The following BCL7A variants were observed in gnomAD, a reference collection of about 807,000 sequenced individuals.
The protein encoded by BCL7A is B-cell CLL/lymphoma 7 protein family member A.
BCL7A carries 11 observed loss-of-function variants against 28.4 expected under a neutral mutation model. The observed-to-expected ratio is 0.39, with a 90% CI of 0.24 to 0.64. The LOEUF is 0.64. Ranked by LOEUF, BCL7A falls within the 30% of genes least tolerant of loss-of-function variation. The pLI is 0.50. For missense variants in BCL7A, 222 were observed against 274.8 expected (o/e 0.81, Z 1.36); for synonymous variants, 123 against 103.3 (o/e 1.19, Z -1.15).
chr12:122,025,543 C>T (rs1453548607), intron 1 of BCL7A, among the ~76,000 whole-genome samples: 1 of 151,502 alleles, frequency 6.6e-6, no homozygotes, highest in East Asian at 1.9e-4. Flanking sequence ...AGGAGAATGG[C>T]GGGAACCCAG....
At chr12:122,047,153 C>T (rs1055075410) in intron 4 of BCL7A, among the ~76,000 whole-genome samples, 6 of 151,900 alleles carry the variant, frequency 3.9e-5, no homozygotes, top group Admixed American at 2.0e-4. Context: ...CCACCCACCT[C>T]GGCCTCCTAA....
chr12:122,053,360 T>C (rs1383930016), intron 4 of BCL7A, among the ~76,000 whole-genome samples: 2 of 152,234 alleles, frequency 1.3e-5, no homozygotes, highest in African/African-American at 4.8e-5. Context: ...AGGGTCTTGC[T>C]GTCCCGTTCC....
At chr12:122,027,195 C>A (rs1250512869) in intron 1 of BCL7A, among the ~76,000 whole-genome samples, 1 of 152,230 alleles carries the variant, frequency 6.6e-6, no homozygotes, top group East Asian at 1.9e-4. Flanking sequence ...GGCAAGCTGT[C>A]GCTCCCTGGG....
chr12:122,051,098 G>A (rs1036582699), intron 4 of BCL7A, among the ~76,000 whole-genome samples: 1 of 152,180 alleles, frequency 6.6e-6, no homozygotes, highest in Non-Finnish European at 1.5e-5. Flanking sequence ...TTTGAGCTCC[G>A]CAGCAGGAAT....
intron 3 of BCL7A, among the ~76,000 whole-genome samples, chr12:122,040,318 G>A (rs191032844): frequency 2.0e-5 from 3 of 152,126 alleles, no homozygotes; most frequent in Non-Finnish European, 4.4e-5. Context: ...ATCGTTTAAG[G>A]TCAGGAGTTG....
intron 2 of BCL7A, among the ~76,000 whole-genome samples, chr12:122,035,037 C>T (rs1176899628): frequency 5.9e-5 from 9 of 152,250 alleles, no homozygotes; most frequent in Non-Finnish European, 1.3e-4. Flanking sequence ...GGTGTTTCCA[C>T]ACTGCTGCTG....
In BCL7A at chr12:122,021,920, GTGTGTGTGTA is replaced by G. The variant is rs1338223459; in HGVS notation, c.-162_-153del. On this transcript the variant is annotated 5_prime_UTR_variant, in exon 1 of 6. It removes an upstream start codon present in the reference 5' UTR. Transcript: ENST00000261822. ...GGCGCGCGGCGGCCCCGGGCTTTGTGTGTGTGTGTATGTGTGTGTGTGTGTGTGTGTGTGT... is the reference window on the plus strand; with the variant it reads ...GGCGCGCGGCGGCCCCGGGCTTTGTGTGTGTGTGTGTGTGTGTGTGTGTGT... The G allele has an allele frequency of 2.8e-4, 116 of 407,452 alleles. No individual in the cohort carries two copies. The highest frequency in any genetic ancestry group is 5.9e-4 in the East Asian group (14 of 23,930). 25.2% of individuals were successfully genotyped at this position (407,452 alleles called of 1,614,324 possible).
chr12:122,035,348 A>G lies in BCL7A; in HGVS notation c.192A>G (p.Lys64=). The part of the protein sequence containing the change: ...PKVDDKNKNK[K]KGKDEKCGSE... The stretch of plus-strand genomic sequence containing the variant: ...CCCTGCAGAAAAACAAGAATAAGAA[A>G]AAAGGCAAGGACGAGAAGTGTGGCT... Residue 64 remains lysine (K), a synonymous_variant, in exon 3 of 6, where the codon AAA becomes AAG. Coordinates refer to ENST00000261822, the MANE Select transcript of BCL7A (RefSeq NM_001024808.3). 1 of 1,614,126 alleles carries G rather than the reference A, an allele frequency of 6.2e-7. No homozygotes were observed. The highest frequency in any genetic ancestry group is 1.7e-5 in the Admixed American group (1 of 60,028).
intron 4 of BCL7A, among the ~76,000 whole-genome samples, chr12:122,049,893 T>G (rs1418445474): frequency 6.6e-6 from 1 of 151,692 alleles, no homozygotes; most frequent in Non-Finnish European, 1.5e-5. Flanking sequence ...GCCTGGCTTT[T>G]CCCCCCGAGA....
chr12:122,023,756 AAC>A (rs1565933217), intron 1 of BCL7A, among the ~76,000 whole-genome samples: 3 of 152,166 alleles, frequency 2.0e-5, no homozygotes, highest in African/African-American at 4.8e-5. Context: ...GCTGCAGGCC[AAC>A]ACACACACGC....
intron 4 of BCL7A, among the ~76,000 whole-genome samples, chr12:122,053,051 C>T (rs975079931): frequency 1.3e-4 from 19 of 151,580 alleles, no homozygotes; most frequent in Non-Finnish European, 1.5e-4. Context: ...GCTGGAGTGC[C>T]GTGGCATGAT....
At chr12:122,032,126 T>G (rs1335918037) in intron 2 of BCL7A, among the ~76,000 whole-genome samples, 1 of 152,222 alleles carries the variant, frequency 6.6e-6, no homozygotes, top group African/African-American at 2.4e-5. Flanking sequence ...AGACAGGGGC[T>G]AAGTTTCTCG....
chr12:122,058,945 G>A (rs938195538), intron 5 of BCL7A, 147 bp from the exon 6 acceptor site: 2 of 629,654 alleles, frequency 3.2e-6, no homozygotes, highest in Non-Finnish European at 5.6e-6. Flanking sequence ...TGGAGTCCAC[G>A]CTTGGGCCTC....
intron 3 of BCL7A, among the ~76,000 whole-genome samples, chr12:122,043,166 C>T (rs1403614369): frequency 2.0e-5 from 3 of 152,032 alleles, no homozygotes; most frequent in East Asian, 1.9e-4. Context: ...TTGGCAATCC[C>T]GCCTCACGGA....
chr12:122,036,569 G>A (rs1299774340), intron 3 of BCL7A, among the ~76,000 whole-genome samples: 1 of 152,092 alleles, frequency 6.6e-6, no homozygotes, highest in Admixed American at 6.6e-5. Context: ...TCCATGAAAT[G>A]TTCCCAAACT....
chr12:122,025,180 A>C (rs576117433), intron 1 of BCL7A, among the ~76,000 whole-genome samples: 1 of 152,256 alleles, frequency 6.6e-6, no homozygotes, highest in Non-Finnish European at 1.5e-5. Context: ...GGGCGATGGT[A>C]GGAGACGAAA....
intron 3 of BCL7A, among the ~76,000 whole-genome samples, chr12:122,042,761 C>T (rs1293553944): frequency 3.3e-5 from 5 of 152,100 alleles, no homozygotes; most frequent in Non-Finnish European, 7.4e-5. Flanking sequence ...AAGTCTGCAC[C>T]TAAACGTCAT....
At chr12:122,026,177 G>T (rs1379793994) in intron 1 of BCL7A, among the ~76,000 whole-genome samples, 1 of 146,702 alleles carries the variant, frequency 6.8e-6, no homozygotes, top group Non-Finnish European at 1.5e-5. Flanking sequence ...TGAGGCAGGA[G>T]AATGGCATGA....
intron 2 of BCL7A, among the ~76,000 whole-genome samples, chr12:122,034,425 T>TAAAA (rs35998182): frequency 2.4e-4 from 29 of 118,390 alleles, no homozygotes; most frequent in Non-Finnish European, 3.9e-4. Context: ...ATTCCTTTCG[T>TAAAA]AAAAAAAAAA....
Sources: allele counts gnomAD v4.1 joint callset (sites outside exome capture counted in the v4.1 genomes callset), GRCh38; gene constraint gnomAD v4.1.1; transcripts MANE v1.5; gene names NCBI Gene and HGNC (gene_info 2026-07-23, HGNC 2026-07-21).